The following ETFRF1 variants were observed in gnomAD, a reference collection of about 807,000 sequenced individuals.
ETFRF1 encodes LYR motif containing 5.
A neutral mutation model predicts 9.0 loss-of-function variants in ETFRF1; 12 were observed. The observed-to-expected ratio is 1.34, with a 90% CI of 0.86 to 2.16. The LOEUF (loss-of-function observed/expected upper bound fraction) is 2.16, where lower values mean the gene tolerates loss of function less well. ETFRF1 is among the 30% of genes most tolerant of loss of function. The pLI is 0.00. For missense variants in ETFRF1, 98 were observed against 101.8 expected, an observed-to-expected ratio of 0.96 and a Z score of 0.16; for synonymous variants, 34 against 33.2, an observed-to-expected ratio of 1.02 and a Z score of -0.08.
intron 1 of ETFRF1, among the ~76,000 whole-genome samples, chr12:25,197,287 C>T (rs927537860): frequency 6.6e-6 from 1 of 152,140 alleles, no homozygotes; most frequent in Non-Finnish European, 1.5e-5. Context: ...AAAAGACCAA[C>T]AACTAAAAAG....
At chr12:25,198,523 T>C (rs1000893338) in intron 1 of ETFRF1, among the ~76,000 whole-genome samples, 1 of 151,884 alleles carries the variant, frequency 6.6e-6, no homozygotes, top group Non-Finnish European at 1.5e-5. Context: ...TCAGAAGTGA[T>C]AGAGACAGAA....
chr12:25,199,235 A>G (rs118006425), intron 1 of ETFRF1, among the ~76,000 whole-genome samples: 9,207 of 149,092 alleles, frequency 0.062, 380 homozygotes, highest in Non-Finnish European at 0.093. Context: ...TTTCCATAGA[A>G]ACAAAAATAA....
chr12:25,203,765 G>GT (rs1309712966), intron 1 of ETFRF1, 155 bp from the exon 2 acceptor site: 3 of 453,570 alleles, frequency 6.6e-6, no homozygotes, highest in Non-Finnish European at 1.2e-5. Context: ...TATCGGAAGT[G>GT]TTTATAACTA....
chr12:25,195,632 C>T (rs1950977693), intron 1 of ETFRF1: 1 of 166,692 alleles, frequency 6.0e-6, no homozygotes, highest in Non-Finnish European at 1.3e-5. Flanking sequence ...AATAAGTTGG[C>T]TCCAGAGGGT....
In ETFRF1 at chr12:25,204,252, C is replaced by G. The variant is rs1274786845; in HGVS notation, c.213C>G (p.Phe71Leu). Residue 71 changes from phenylalanine (F) to leucine (L), a missense_variant, in exon 3 of 3, where the codon TTC becomes TTG. Transcript: ENST00000381356. ...FVMKELEALYFLRKYRAMKQR... is the reference protein window; with the variant it reads ...FVMKELEALYLLRKYRAMKQR... ...TGAAAGAGCTAGAAGCTTTGTACTTCCTTAGGAAATACAGAGCTATGAAAC... is the reference window on the plus strand; with the variant it reads ...TGAAAGAGCTAGAAGCTTTGTACTTGCTTAGGAAATACAGAGCTATGAAAC... The G allele has an allele frequency of 6.2e-7, 1 of 1,605,874 alleles. No homozygotes were observed. Among genetic ancestry groups the G allele is most frequent in the Non-Finnish European group, 8.5e-7 (1 of 1,177,710 alleles).
Position 25,204,313 on chromosome 12 carries a change from T to A in ETFRF1, c.*1T>A. On this transcript the variant is annotated 3_prime_UTR_variant, in exon 3 of 3. Transcript: ENST00000381356. ...TTCAGATACCAACAAAACTAATTGA[T>A]CATTACTACTTTAATTTAGCTATCA... 1 of 1,560,006 alleles carries A rather than the reference T, an allele frequency of 6.4e-7. No individual in the cohort carries two copies. The highest frequency in any genetic ancestry group is 8.6e-7 in the Non-Finnish European group (1 of 1,159,414).
chr12:25,195,361 A>G (rs924929347), intron 1 of ETFRF1, 24 bp downstream of exon 1: 7 of 589,532 alleles, frequency 1.2e-5, no homozygotes, highest in Admixed American at 3.0e-5. Flanking sequence ...GCCGCCGGGG[A>G]GTTTTGTTCC....
At position 25,204,228 on chromosome 12, in the gene ETFRF1, G is replaced by C. The variant is rs764864774; in HGVS notation, c.189G>C (p.Met63Ile). The C allele has an allele frequency of 1.6e-5, 25 of 1,611,954 alleles. No homozygotes were observed. Among genetic ancestry groups the C allele is most frequent in the South Asian group, 2.2e-5 (2 of 90,496 alleles). ...TTATTGCACAGGGCGAATTTGTAAT[G>C]AAAGAGCTAGAAGCTTTGTACTTCC... ...KELIAQGEFV[M>I]KELEALYFLR... The change falls in exon 3 of 3, where the codon ATG becomes ATC. Residue 63 changes from methionine (M) to isoleucine (I), a missense_variant. By Grantham distance (10) the Met-to-Ile change is conservative. Coordinates refer to ENST00000381356, the MANE Select transcript of ETFRF1 (RefSeq NM_001001660.3).
chr12:25,198,451 CTTTT>C (rs1263301158), intron 1 of ETFRF1, among the ~76,000 whole-genome samples: 2 of 152,008 alleles, frequency 1.3e-5, no homozygotes, highest in African/African-American at 4.8e-5. Flanking sequence ...ATCTAAAAAG[CTTTT>C]TTGTCTTTTC....
chr12:25,202,983 C>G (rs74073347), intron 1 of ETFRF1, among the ~76,000 whole-genome samples: 6,333 of 152,180 alleles, frequency 0.042, 439 homozygotes, highest in African/African-American at 0.14. Flanking sequence ...TTTTTAGCAC[C>G]CAGACCTTGG....
intron 1 of ETFRF1, among the ~76,000 whole-genome samples, chr12:25,201,776 T>A (rs1951075173): frequency 6.6e-6 from 1 of 152,092 alleles, no homozygotes; most frequent in South Asian, 2.1e-4. Flanking sequence ...CTATTGTACT[T>A]CGGGGTTCAA....
rs1951115844 is a variant in ETFRF1, at chr12:25,204,824, T to C, written c.*512T>C. The C allele has an allele frequency of 5.2e-6, 1 of 190,534 alleles. No homozygotes were observed. The highest frequency in any genetic ancestry group is 6.2e-5 in the Admixed American group (1 of 16,256). 11.8% of individuals were successfully genotyped at this position (190,534 alleles called of 1,614,324 possible). A position where few individuals can be genotyped will look rare whatever the true frequency, so the allele number is the denominator to read the frequency against. On this transcript the variant is annotated 3_prime_UTR_variant, in exon 3 of 3. Transcript: ENST00000381356. ...ATTTAAATGTAGTTATAGAAATAAA[T>C]AATATGTATGGAGTCATTACTTCTG...
At chr12:25,200,094 C>T (rs560975553) in intron 1 of ETFRF1, among the ~76,000 whole-genome samples, 1 of 152,114 alleles carries the variant, frequency 6.6e-6, no homozygotes, top group African/African-American at 2.4e-5. Flanking sequence ...CCTGTAATTC[C>T]AGCTACTTGG....
In ETFRF1 at chr12:25,204,892, CT is replaced by C. The variant is rs1407373668; in HGVS notation, c.*581del. Reference sequence around the variant, plus strand: ...TGGTGACTGGCATTAACATACATAACTAACTATTCAATTATTTCCATTATTA... The same window carrying C: ...TGGTGACTGGCATTAACATACATAACAACTATTCAATTATTTCCATTATTA... On this transcript the variant is annotated 3_prime_UTR_variant, in exon 3 of 3. Coordinates refer to ENST00000381356, the MANE Select transcript of ETFRF1 (RefSeq NM_001001660.3). 5.0e-6 allele frequency: 1 copy of C among 199,772 alleles called. No individual in the cohort carries two copies. The highest frequency in any genetic ancestry group is 1.0e-5 in the Non-Finnish European group (1 of 96,386). 12.4% of individuals were successfully genotyped at this position (199,772 alleles called of 1,614,324 possible).
At chr12:25,198,710 T>C (rs1438696152) in intron 1 of ETFRF1, among the ~76,000 whole-genome samples, 1 of 152,182 alleles carries the variant, frequency 6.6e-6, no homozygotes, top group Non-Finnish European at 1.5e-5. Flanking sequence ...CATTAACTAG[T>C]AGTAAGTACA....
At chr12:25,203,508 G>A (rs936546056) in intron 1 of ETFRF1, among the ~76,000 whole-genome samples, 2 of 152,214 alleles carry the variant, frequency 1.3e-5, no homozygotes, top group Admixed American at 6.5e-5. Context: ...CTTGAGAGCA[G>A]GGTAAAGATA....
rs1430660662 is a variant in ETFRF1 at position 25,205,065 on chromosome 12, TTTTAAG to T, written c.*760_*765del. Reference sequence around the variant, plus strand: ...GTTTTGCATCTACTTCTAAATATGGTTTTAAGTTTAAGCAAACACGCCTTTACATAA... The same window carrying T: ...GTTTTGCATCTACTTCTAAATATGGTTTTAAGCAAACACGCCTTTACATAA... On this transcript the variant is annotated 3_prime_UTR_variant, in exon 3 of 3. Coordinates refer to ENST00000381356, the MANE Select transcript of ETFRF1 (RefSeq NM_001001660.3). The T allele has an allele frequency of 4.7e-6, 1 of 213,318 alleles. No homozygotes were observed. Among genetic ancestry groups the T allele is most frequent in the Non-Finnish European group, 9.5e-6 (1 of 105,160 alleles). The allele number at this position is 213,318 out of a possible 1,614,324, so 13.2% of individuals were successfully genotyped here.
At chr12:25,202,663 G>A (rs919243083) in intron 1 of ETFRF1, among the ~76,000 whole-genome samples, 1 of 152,114 alleles carries the variant, frequency 6.6e-6, no homozygotes, top group Non-Finnish European at 1.5e-5. Flanking sequence ...TAGAGTGTGT[G>A]CGCCGAATGG....
intron 1 of ETFRF1, among the ~76,000 whole-genome samples, chr12:25,198,341 G>A (rs963999521): frequency 2.6e-5 from 4 of 152,076 alleles, no homozygotes; most frequent in Non-Finnish European, 4.4e-5. Flanking sequence ...AGCCCAGGAG[G>A]AGCAATCCAA....
Sources: allele counts gnomAD v4.1 joint callset (sites outside exome capture counted in the v4.1 genomes callset), GRCh38; gene constraint gnomAD v4.1.1; transcripts MANE v1.5; gene names NCBI Gene and HGNC (gene_info 2026-07-23, HGNC 2026-07-21).